SLCO6A1: variants seen among roughly 807,000 people sequenced by gnomAD.
The protein encoded by SLCO6A1 is cancer/testis antigen 48.
In SLCO6A1, 65 loss-of-function variants were observed where a neutral mutation model predicts 72.7. The observed-to-expected ratio is 0.89, with a 90% CI of 0.73 to 1.10. The LOEUF (loss-of-function observed/expected upper bound fraction) is 1.10, where lower values mean the gene tolerates loss of function less well. Among genes scored for constraint, SLCO6A1 ranks in the 50% least tolerant of loss-of-function variants. The pLI, the probability that SLCO6A1 is intolerant of heterozygous loss-of-function variation, is 0.00. For synonymous variants in SLCO6A1, 314 were observed against 298.2 expected (o/e 1.05, Z -0.55); for missense variants, 874 against 872.6 (o/e 1.00, Z -0.02).
intron 9 of SLCO6A1, among the ~76,000 whole-genome samples, chr5:102,409,010 A>T (rs930732859): frequency 1.3e-5 from 2 of 152,180 alleles, no homozygotes; most frequent in African/African-American, 4.8e-5. Context: ...TTTTATAATG[A>T]AAACTATATC....
chr5:102,377,404 A>T (rs1028217912), intron 12 of SLCO6A1, among the ~76,000 whole-genome samples: 8 of 152,144 alleles, frequency 5.3e-5, no homozygotes, highest in Admixed American at 2.6e-4. Context: ...CTACTTATAT[A>T]AATTTCTAGA....
intron 12 of SLCO6A1, among the ~76,000 whole-genome samples, chr5:102,376,100 C>G (rs1407514658): frequency 6.6e-6 from 1 of 152,070 alleles, no homozygotes; most frequent in African/African-American, 2.4e-5. Flanking sequence ...CTAATGACAG[C>G]TAACTTCTCG....
At chr5:102,412,747 T>C (rs186231970) in intron 9 of SLCO6A1, among the ~76,000 whole-genome samples, 2 of 150,640 alleles carry the variant, frequency 1.3e-5, no homozygotes, top group Non-Finnish European at 3.0e-5. Flanking sequence ...GGTGACAGAG[T>C]CAGATCTTGT....
At chr5:102,498,312 G>C (rs1051807089) in intron 1 of SLCO6A1, among the ~76,000 whole-genome samples, 175 bp downstream of exon 1, 1 of 152,156 alleles carries the variant, frequency 6.6e-6, no homozygotes, top group African/African-American at 2.4e-5. Context: ...AAACCCACTG[G>C]GTGGCTAAAC....
intron 9 of SLCO6A1, among the ~76,000 whole-genome samples, chr5:102,412,121 A>T (rs1748019416): frequency 6.6e-6 from 1 of 152,008 alleles, no homozygotes; most frequent in Non-Finnish European, 1.5e-5. Flanking sequence ...ATTTACCTAC[A>T]GCCTGGAAGC....
Position 102,459,708 on chromosome 5 carries a change from G to A in SLCO6A1, c.969C>T (p.Val323=), listed in dbSNP as rs866381547. The A allele has an allele frequency of 5.0e-6, 8 of 1,610,236 alleles. No homozygotes were observed. The highest frequency in any genetic ancestry group is 1.1e-5 in the South Asian group (1 of 90,484). ...TWWINFLFAA[V]VAWCTLIPLS... is the part of the protein sequence containing the mutation. ...ATGGTATTAATGTACACCATGCAAC[G>A]ACAGCGGCAAAAAGAAAATTAATCC... The change falls in exon 5 of 14, where the codon GTC becomes GTT. Residue 323 remains valine, a synonymous_variant. Transcript: ENST00000506729.
intron 1 of SLCO6A1, among the ~76,000 whole-genome samples, chr5:102,492,152 C>T (rs1160342346): frequency 1.3e-5 from 2 of 152,216 alleles, no homozygotes. Flanking sequence ...CACCAGGACC[C>T]TCCTCCAACA....
chr5:102,454,273 G>A (rs1053123751), intron 6 of SLCO6A1, among the ~76,000 whole-genome samples: 14 of 152,294 alleles, frequency 9.2e-5, no homozygotes, highest in African/African-American at 3.4e-4. Context: ...GGGTAGGGAG[G>A]AAAGAAAAGA....
Position 102,373,436 on chromosome 5 carries a change from T to C in SLCO6A1, c.2076A>G (p.Lys692=). The C allele has an allele frequency of 6.3e-7, 1 of 1,576,380 alleles. No individual in the cohort carries two copies. Among genetic ancestry groups the C allele is most frequent in the South Asian group, 1.2e-5 (1 of 82,872 alleles). The part of the protein sequence containing the change: ...IFTTIAFFIY[K]RRLNENTDFP... ...AGTCAGTGTTCTCATTTAGACGACG[T>C]TTGTATATGAAAAATGCAATAGTAG... Residue 692 remains lysine, a synonymous_variant, in exon 13 of 14, where the codon AAA becomes AAG. Coordinates refer to ENST00000506729, the MANE Select transcript of SLCO6A1 (RefSeq NM_173488.5).
chr5:102,434,739 C>G (rs1044486985), intron 7 of SLCO6A1, among the ~76,000 whole-genome samples: 1 of 152,170 alleles, frequency 6.6e-6, no homozygotes, highest in East Asian at 1.9e-4. Context: ...CTTATCAACT[C>G]TTCTCTAGGC....
intron 6 of SLCO6A1, among the ~76,000 whole-genome samples, chr5:102,445,900 G>A (rs1018905285): frequency 6.6e-6 from 1 of 152,044 alleles, no homozygotes; most frequent in Non-Finnish European, 1.5e-5. Context: ...TTATTTCTGT[G>A]TTCTCTATTC....
rs184741225 is a variant in SLCO6A1 at position 102,430,941 on chromosome 5, G to T, written c.1276+7676C>A. Among the ~76,000 whole-genome samples the T allele has an allele frequency of 1.9e-3, 288 of 151,984 alleles. 3 individuals carry two copies. The highest frequency in any genetic ancestry group is 6.7e-3 in the African/African-American group (278 of 41,464). ...TCTAATCCTGGGCTTTTTTTGGTTT[G>T]TAGGCTATTTATTGCTATTTCAGTT... On this transcript the variant is annotated intron_variant, in intron 7 of 13. Coordinates refer to ENST00000506729, the MANE Select transcript of SLCO6A1 (RefSeq NM_173488.5).
At chr5:102,492,107 AG>A (rs1752710020) in intron 1 of SLCO6A1, among the ~76,000 whole-genome samples, 1 of 152,240 alleles carries the variant, frequency 6.6e-6, no homozygotes, top group Non-Finnish European at 1.5e-5. Context: ...CAAAACAGCA[AG>A]GGGGAAGTCT....
intron 2 of SLCO6A1, among the ~76,000 whole-genome samples, chr5:102,479,237 C>T (rs966567669): frequency 2.0e-5 from 3 of 152,262 alleles, no homozygotes; most frequent in East Asian, 3.9e-4. Context: ...GTTGCTCACT[C>T]TCTCCTGCTA....
chr5:102,433,328 A>G (rs1414101897), intron 7 of SLCO6A1, among the ~76,000 whole-genome samples: 2 of 152,208 alleles, frequency 1.3e-5, no homozygotes, highest in South Asian at 2.1e-4. Flanking sequence ...TGTTTGAAGG[A>G]AAGAAGACCT....
intron 6 of SLCO6A1, among the ~76,000 whole-genome samples, chr5:102,456,027 C>T (rs1399648517): frequency 6.6e-6 from 1 of 152,134 alleles, no homozygotes; most frequent in African/African-American, 2.4e-5. Flanking sequence ...TCAATATATG[C>T]AGAAAAGGCC....
At chr5:102,423,623 C>T (rs892885662) in intron 7 of SLCO6A1, among the ~76,000 whole-genome samples, 2 of 152,140 alleles carry the variant, frequency 1.3e-5, no homozygotes, top group Non-Finnish European at 2.9e-5. Flanking sequence ...ATTCATAAAG[C>T]AAGTTCTTAG....
rs1450843319 is a variant in SLCO6A1 at position 102,473,095 on chromosome 5, C to CT, written c.899+2601dup. On this transcript the variant is annotated intron_variant, in intron 4 of 13. Transcript: ENST00000506729. ...ATCCTTCTCAAAATCCTCCAAGTAA[C>CT]TGAAGAGGAGGGAATACTTCAAATT... 3.3e-5 allele frequency among the ~76,000 whole-genome samples: 5 copies of CT among 151,832 alleles called. No individual in the cohort carries two copies. In the East Asian group the frequency reaches 9.7e-4, roughly 30 times the overall value.
At chr5:102,467,040 T>C (rs1751348131) in intron 4 of SLCO6A1, among the ~76,000 whole-genome samples, 1 of 152,136 alleles carries the variant, frequency 6.6e-6, no homozygotes, top group African/African-American at 2.4e-5. Flanking sequence ...AATCGTCAAT[T>C]TTTGTTTTTG....
Sources: gnomAD v4.1 joint callset for allele counts (sites outside exome capture counted in the v4.1 genomes callset) on GRCh38, gnomAD v4.1.1 for gene constraint, MANE v1.5 for transcripts, NCBI Gene and HGNC (gene_info 2026-07-23, HGNC 2026-07-21) for gene names.